Variants in TRAPPC6B observed in about 807,000 individuals in gnomAD.
The protein encoded by TRAPPC6B is TRAPP complex subunit 6B.
A neutral mutation model predicts 24.7 loss-of-function variants in TRAPPC6B; 27 were observed. The ratio of observed to expected loss-of-function variants is 1.09; its 90% confidence interval spans 0.81 to 1.51. The LOEUF is 1.51. Ranked by LOEUF, TRAPPC6B falls within the 40% of genes most tolerant of loss-of-function variation. TRAPPC6B has a pLI of 0.00. For missense variants in TRAPPC6B, 212 were observed against 190.8 expected (o/e 1.11, Z -0.66); for synonymous variants, 80 against 66.6 (o/e 1.20, Z -0.98).
chr14:39,153,758 A>G (rs983538122), intron 4 of TRAPPC6B, among the ~76,000 whole-genome samples: 2 of 149,498 alleles, frequency 1.3e-5, no homozygotes, highest in African/African-American at 5.0e-5. Context: ...CTGGAGTGCA[A>G]TGATAGCACG....
Position 39,158,370 on chromosome 14 carries a change from T to A in TRAPPC6B, c.182A>T (p.Glu61Val), listed in dbSNP as rs2053011570. Residue 61 changes from glutamate to valine, a missense_variant, in exon 3 of 6, where the codon GAG becomes GTG. Transcript: ENST00000330149. ...ACAAATGAACTTCATGATATCTAAC[T>A]CATCCTTGAACCTTGCAGTATCTTT... ...FTKDTARFKD[E>V]LDIMKFICKD... 6.2e-7 allele frequency: 1 copy of A among 1,603,624 alleles called. No homozygotes were observed. Among genetic ancestry groups the A allele is most frequent in the Non-Finnish European group, 8.5e-7 (1 of 1,177,034 alleles).
intron 1 of TRAPPC6B, among the ~76,000 whole-genome samples, chr14:39,162,014 C>T (rs937990463): frequency 2.6e-5 from 4 of 152,198 alleles, no homozygotes; most frequent in Admixed American, 1.3e-4. Flanking sequence ...AGTGGATTTA[C>T]AAGCACTTGT....
intron 1 of TRAPPC6B, among the ~76,000 whole-genome samples, chr14:39,162,813 A>G (rs1257191439): frequency 6.6e-6 from 1 of 152,138 alleles, no homozygotes; most frequent in Non-Finnish European, 1.5e-5. Context: ...TCCAAATCCT[A>G]TGGATGACTG....
chr14:39,157,331 T>C (rs2052994607), intron 3 of TRAPPC6B: 1 of 357,314 alleles, frequency 2.8e-6, no homozygotes. Context: ...CACCGCCAAA[T>C]AGCTACTTAG....
intron 3 of TRAPPC6B, 99 bp downstream of exon 3, chr14:39,158,186 T>C: frequency 2.9e-6 from 2 of 691,232 alleles, no homozygotes; most frequent in Non-Finnish European, 4.7e-6. Flanking sequence ...ATTCCAAAGT[T>C]AACCAGAAAT....
In TRAPPC6B at chr14:39,158,360, G is replaced by A. The variant is rs2053011196; in HGVS notation, c.192C>T (p.Ile64=). The change falls in exon 3 of 6, where the codon ATC becomes ATT. Residue 64 remains isoleucine, a synonymous_variant. Transcript: ENST00000330149. ...DTARFKDELD[I]MKFICKDFWT... ...AAAAATCTTTACAAATGAACTTCAT[G>A]ATATCTAACTCATCCTTGAACCTTG... The A allele has an allele frequency of 6.2e-7, 1 of 1,604,882 alleles. No homozygotes were observed. The highest frequency in any genetic ancestry group is 1.7e-5 in the Admixed American group (1 of 57,330).
intron 1 of TRAPPC6B, among the ~76,000 whole-genome samples, chr14:39,160,811 G>A (rs753433356): frequency 6.6e-6 from 1 of 152,220 alleles, no homozygotes; most frequent in African/African-American, 2.4e-5. Context: ...AACAGCCGAT[G>A]TTGGTAGGAA....
Position 39,148,872 on chromosome 14 carries a change from C to G in TRAPPC6B, c.*1478G>C. 1 of 397,278 alleles carries G rather than the reference C, an allele frequency of 2.5e-6. No homozygotes were observed. Among genetic ancestry groups the G allele is most frequent in the Non-Finnish European group, 4.4e-6 (1 of 225,574 alleles). The allele number at this position is 397,278 out of a possible 1,614,324, so 24.6% of individuals were successfully genotyped here. A position where few individuals can be genotyped will look rare whatever the true frequency, so the allele number is the denominator to read the frequency against. ...AACCTAGATGGTATGATCTACTATACACCTAAGCTATGGCCTATTGCTCCT... is the reference window on the plus strand; with the variant it reads ...AACCTAGATGGTATGATCTACTATAGACCTAAGCTATGGCCTATTGCTCCT... On this transcript the variant is annotated 3_prime_UTR_variant, in exon 6 of 6. Coordinates refer to ENST00000330149, the MANE Select transcript of TRAPPC6B (RefSeq NM_001079537.2).
chr14:39,156,414 T>C (rs2052980111), intron 3 of TRAPPC6B, among the ~76,000 whole-genome samples: 1 of 152,170 alleles, frequency 6.6e-6, no homozygotes, highest in African/African-American at 2.4e-5. Flanking sequence ...ACTCTAAGTA[T>C]TTCCTTGAAG....
At chr14:39,167,997 T>C (rs1410823792) in intron 1 of TRAPPC6B, among the ~76,000 whole-genome samples, 1 of 152,126 alleles carries the variant, frequency 6.6e-6, no homozygotes, top group Non-Finnish European at 1.5e-5. Flanking sequence ...GCAGATCACC[T>C]GAGGTCAGAA....
intron 3 of TRAPPC6B, among the ~76,000 whole-genome samples, 178 bp from the exon 4 acceptor site, chr14:39,154,472 T>C: frequency 1.3e-5 from 2 of 152,346 alleles, no homozygotes; most frequent in Non-Finnish European, 1.5e-5. Context: ...CAGGGTAGAA[T>C]GCAGTGGCAC....
chr14:39,155,024 T>C (rs1339983234), intron 3 of TRAPPC6B, among the ~76,000 whole-genome samples: 1 of 151,924 alleles, frequency 6.6e-6, no homozygotes, highest in African/African-American at 2.4e-5. Flanking sequence ...AACACCTGGG[T>C]GTTTAGCAAT....
intron 1 of TRAPPC6B, among the ~76,000 whole-genome samples, chr14:39,166,250 T>C (rs1476207570): frequency 7.5e-6 from 1 of 132,582 alleles, no homozygotes; most frequent in East Asian, 2.1e-4. Flanking sequence ...CAGAGACTTG[T>C]CTCTTAAAAA....
At position 39,159,325 on chromosome 14, in the gene TRAPPC6B, T is replaced by C. The variant is rs373577360; in HGVS notation, c.149+158A>G. On this transcript the variant is annotated intron_variant, in intron 2 of 5. Transcript: ENST00000330149. ...ATAAAATTTGAATAAATGAGTTAAA[T>C]GGCATTGGATCTAAAAAGAAATTTT... 50 of 393,218 alleles carry C rather than the reference T, an allele frequency of 1.3e-4. 2 individuals are homozygous for C. Among genetic ancestry groups the C allele is most frequent in the East Asian group, 5.5e-4 (14 of 25,414 alleles). 24.4% of individuals were successfully genotyped at this position (393,218 alleles called of 1,614,324 possible). A position where few individuals can be genotyped will look rare whatever the true frequency, so the allele number is the denominator to read the frequency against.
In TRAPPC6B at chr14:39,170,243, C is replaced by T. The variant is rs2053155384; in HGVS notation, c.-148G>A. The T allele has an allele frequency of 7.4e-6, 5 of 676,952 alleles. No homozygotes were observed. The highest frequency in any genetic ancestry group is 2.7e-5 in the Admixed American group (1 of 36,394). 41.9% of individuals were successfully genotyped at this position (676,952 alleles called of 1,614,324 possible). A position where few individuals can be genotyped will look rare whatever the true frequency, so the allele number is the denominator to read the frequency against. On this transcript the variant is annotated 5_prime_UTR_variant, in exon 1 of 6. In the 5' UTR this introduces an upstream ATG that the reference lacks. Coordinates refer to ENST00000330149, the MANE Select transcript of TRAPPC6B (RefSeq NM_001079537.2). ...TGGCTAAGAGACCGAGGTATTCACA[C>T]GACTTCCCAAAGGCTGGTACTGAAA... is the stretch of plus-strand genomic sequence containing the variant.
chr14:39,151,945 T>G, intron 4 of TRAPPC6B, 106 bp from the exon 5 acceptor site: 1 of 765,248 alleles, frequency 1.3e-6, no homozygotes, highest in Non-Finnish European at 2.1e-6. Flanking sequence ...CATTCCTGTT[T>G]AAAAAAAGGA....
Position 39,151,735 on chromosome 14 carries a change from A to T in TRAPPC6B, c.445+11T>A, listed in dbSNP as rs761271267. On this transcript the variant is annotated intron_variant, in intron 5 of 5. Transcript: ENST00000330149. ...ACTAAAACATTTGTAAGAAAGGCGA[A>T]TTCAACTTACAAGCAGGCATTGAAG... 2 of 1,561,532 alleles carry T rather than the reference A, an allele frequency of 1.3e-6. No homozygotes were observed. Among genetic ancestry groups the T allele is most frequent in the African/African-American group, 2.8e-5 (2 of 71,926 alleles).
rs373133797 is a variant in TRAPPC6B, at chr14:39,147,931, C to G, written c.*2419G>C. On this transcript the variant is annotated 3_prime_UTR_variant, in exon 6 of 6. Transcript: ENST00000330149. ...ATACTAATTTTTGAATAACCTAACT[C>G]TCCCTTTGTTTCTACTAAGAGAGGT... 6.6e-6 allele frequency: 1 copy of G among 152,158 alleles called. No homozygotes were observed. Among genetic ancestry groups the G allele is most frequent in the African/African-American group, 2.4e-5 (1 of 41,468 alleles). 9.4% of individuals were successfully genotyped at this position (152,158 alleles called of 1,614,324 possible).
At chr14:39,155,826 C>T (rs563506228) in intron 3 of TRAPPC6B, among the ~76,000 whole-genome samples, 15 of 152,188 alleles carry the variant, frequency 9.9e-5, no homozygotes, top group Admixed American at 2.6e-4. Flanking sequence ...GGTGAGCCAC[C>T]GCGCCCAGCT....
Sources: allele counts gnomAD v4.1 joint callset (sites outside exome capture counted in the v4.1 genomes callset), GRCh38; gene constraint gnomAD v4.1.1; transcripts MANE v1.5; gene names NCBI Gene and HGNC (gene_info 2026-07-23, HGNC 2026-07-21).